SLMAP: variants seen among roughly 807,000 people sequenced by gnomAD.
SLMAP encodes the protein sarcolemma associated protein, also known as sarcolemmal membrane-associated protein.
SLMAP carries 44 observed loss-of-function variants against 128.8 expected under a neutral mutation model. The observed-to-expected ratio is 0.34, with a 90% CI of 0.27 to 0.44. The LOEUF (loss-of-function observed/expected upper bound fraction) is 0.44, where lower values mean the gene tolerates loss of function less well. Among genes scored for constraint, SLMAP ranks in the 20% least tolerant of loss-of-function variants. The pLI is 1.00. For synonymous variants in SLMAP, 327 were observed against 348.8 expected (o/e 0.94, Z 0.70); for missense variants, 787 against 985.3 (o/e 0.80, Z 2.69).
At chr3:57,903,394 A>G (rs894181281) in intron 17 of SLMAP, among the ~76,000 whole-genome samples, 1 of 152,216 alleles carries the variant, frequency 6.6e-6, no homozygotes. Flanking sequence ...GGTCACTTCT[A>G]TCAGTTGATG....
intron 15 of SLMAP, chr3:57,896,263 C>G: frequency 8.4e-7 from 1 of 1,193,576 alleles, no homozygotes; most frequent in African/African-American, 1.6e-5. Context: ...AGTGGACAGC[C>G]TTGAACAAAA....
intron 21 of SLMAP, among the ~76,000 whole-genome samples, chr3:57,916,027 A>G (rs1221216760): frequency 6.6e-6 from 1 of 152,038 alleles, no homozygotes; most frequent in East Asian, 1.9e-4. Flanking sequence ...ATGGTGGCGC[A>G]TGCCTGTAAT....
In SLMAP at chr3:57,865,282, C is replaced by T; in HGVS notation, c.1227C>T (p.Ser409=). Residue 409 remains serine (S), a synonymous_variant, in exon 13 of 25, where the codon AGC becomes AGT. Transcript: ENST00000671191. ...ACTTCTTACCTAAAATAAATGGGAGCACAGAAAAAGGTAGTGTAAAAAACT... is the reference window on the plus strand; with the variant it reads ...ACTTCTTACCTAAAATAAATGGGAGTACAGAAAAAGGTAGTGTAAAAAACT... ...VDDFLPKING[S]TEKEHLLSKS... The T allele has an allele frequency of 2.7e-6, 4 of 1,465,438 alleles. No homozygotes were observed. In the South Asian group the frequency reaches 3.8e-5, roughly 14 times the overall value. The allele number at this position is 1,465,438 out of a possible 1,614,324, so 90.8% of individuals were successfully genotyped here. A position where few individuals can be genotyped will look rare whatever the true frequency, so the allele number is the denominator to read the frequency against.
intron 23 of SLMAP, 21 bp from the exon 24 acceptor site, chr3:57,925,824 A>G (rs1005081312): frequency 6.6e-7 from 1 of 1,511,642 alleles, no homozygotes; most frequent in Non-Finnish European, 9.0e-7. Flanking sequence ...AAATGATTTT[A>G]ATATGCCTTC....
At chr3:57,921,542 C>T (rs1376351193) in intron 22 of SLMAP, among the ~76,000 whole-genome samples, 1 of 152,048 alleles carries the variant, frequency 6.6e-6, no homozygotes, top group African/African-American at 2.4e-5. Context: ...AGGAGAATCA[C>T]TTGAACCTGG....
At chr3:57,876,768 CGT>C (rs1560372026) in intron 14 of SLMAP, among the ~76,000 whole-genome samples, 1 of 152,144 alleles carries the variant, frequency 6.6e-6, no homozygotes, top group Non-Finnish European at 1.5e-5. Context: ...AACTTGTACG[CGT>C]GGTGGAAAGA....
At chr3:57,847,310 A>C in intron 5 of SLMAP, 77 bp downstream of exon 5, 1 of 1,006,082 alleles carries the variant, frequency 9.9e-7, no homozygotes, top group South Asian at 1.4e-5. Context: ...AATATGCTTT[A>C]CCTAGAAATT....
intron 15 of SLMAP, among the ~76,000 whole-genome samples, chr3:57,894,878 C>T (rs2096198945): frequency 6.6e-6 from 1 of 152,132 alleles, no homozygotes; most frequent in Non-Finnish European, 1.5e-5. Flanking sequence ...ATGTAGGGAC[C>T]AGATTACGGC....
intron 23 of SLMAP, among the ~76,000 whole-genome samples, chr3:57,923,741 T>G (rs376901810): frequency 7.2e-5 from 11 of 152,316 alleles, no homozygotes; most frequent in African/African-American, 2.4e-4. Context: ...GCAGTGTGCG[T>G]GAGCCACATA....
chr3:57,870,557 T>C (rs2095457603), intron 13 of SLMAP, among the ~76,000 whole-genome samples: 1 of 152,184 alleles, frequency 6.6e-6, no homozygotes, highest in African/African-American at 2.4e-5. Context: ...TATTAAAGCA[T>C]AATGATAAAT....
chr3:57,843,775 CTTTTTTTTTT>C (rs775541858), intron 4 of SLMAP, among the ~76,000 whole-genome samples: 3 of 77,142 alleles, frequency 3.9e-5, no homozygotes, highest in East Asian at 4.6e-4. Flanking sequence ...TCTTTTCTTT[CTTTTTTTTTT>C]TTTTTTTTTT....
chr3:57,888,256 G>A (rs945419194), intron 14 of SLMAP, among the ~76,000 whole-genome samples: 18 of 152,094 alleles, frequency 1.2e-4, no homozygotes, highest in East Asian at 5.8e-4. Context: ...TGAGTATACC[G>A]AAGGCCATAC....
At chr3:57,881,252 T>C (rs1454882267) in intron 14 of SLMAP, among the ~76,000 whole-genome samples, 1 of 151,596 alleles carries the variant, frequency 6.6e-6, no homozygotes, top group Non-Finnish European at 1.5e-5. Context: ...GCTCTTTGAG[T>C]TGTACCAAGT....
intron 2 of SLMAP, among the ~76,000 whole-genome samples, chr3:57,787,046 T>C (rs2084362916): frequency 6.6e-6 from 1 of 152,082 alleles, no homozygotes. Flanking sequence ...GAAAATTATG[T>C]AGTTTTGGGA....
intron 2 of SLMAP, among the ~76,000 whole-genome samples, chr3:57,764,100 G>T (rs1050385583): frequency 3.3e-5 from 5 of 152,150 alleles, no homozygotes; most frequent in Non-Finnish European, 7.4e-5. Context: ...AGATAGTGTG[G>T]TGCCAGGTTG....
chr3:57,912,714 A>G lies in SLMAP; in HGVS notation c.2020+13A>G. On this transcript the variant is annotated intron_variant, in intron 20 of 24. Transcript: ENST00000671191. Reference sequence around the variant, plus strand: ...ACAAGGTTGCAAGGTGAATAAATGTATTTTACATAAAGCTGTTAACTTTTG... The same window carrying G: ...ACAAGGTTGCAAGGTGAATAAATGTGTTTTACATAAAGCTGTTAACTTTTG... 1 of 1,585,962 alleles carries G rather than the reference A, an allele frequency of 6.3e-7. No homozygotes were observed. The highest frequency in any genetic ancestry group is 8.6e-7 in the Non-Finnish European group (1 of 1,158,752).
intron 14 of SLMAP, among the ~76,000 whole-genome samples, chr3:57,889,596 A>G (rs2096004953): frequency 6.6e-6 from 1 of 152,204 alleles, no homozygotes; most frequent in East Asian, 1.9e-4. Context: ...AAAATGATTC[A>G]TTTACTGAAA....
chr3:57,879,281 G>A (rs2095671252), intron 14 of SLMAP, among the ~76,000 whole-genome samples: 1 of 152,148 alleles, frequency 6.6e-6, no homozygotes, highest in Non-Finnish European at 1.5e-5. Context: ...GGTTCTCTCT[G>A]TTCAGTCTTT....
intron 14 of SLMAP, among the ~76,000 whole-genome samples, chr3:57,881,618 C>T (rs1429921481): frequency 6.6e-6 from 1 of 151,936 alleles, no homozygotes; most frequent in African/African-American, 2.4e-5. Context: ...CCACTATGCC[C>T]GGCTAATTTT....
Sources: allele counts gnomAD v4.1 joint callset (sites outside exome capture counted in the v4.1 genomes callset), GRCh38; gene constraint gnomAD v4.1.1; transcripts MANE v1.5; gene names NCBI Gene and HGNC (gene_info 2026-07-23, HGNC 2026-07-21).